The following INTS4 variants were observed in gnomAD, a reference collection of about 807,000 sequenced individuals.
The protein encoded by INTS4 is integrator complex subunit 4, also known as MSTP093.
A neutral mutation model predicts 119.5 loss-of-function variants in INTS4; 70 were observed. That is an observed-to-expected ratio of 0.59 (90% CI 0.48 to 0.71). INTS4 has a LOEUF of 0.71. INTS4 is among the 30% of genes least tolerant of loss of function. INTS4 has a pLI of 0.00. For synonymous variants in INTS4, 316 were observed against 419.6 expected, an observed-to-expected ratio of 0.75 and a Z score of 3.02; for missense variants, 867 against 1,173.2, an observed-to-expected ratio of 0.74 and a Z score of 3.81.
At chr11:77,936,979 A>G (rs1386860009) in intron 10 of INTS4, among the ~76,000 whole-genome samples, 1 of 152,144 alleles carries the variant, frequency 6.6e-6, no homozygotes, top group African/African-American at 2.4e-5. Context: ...GTTTGAGACC[A>G]GCCTCGACAA....
intron 10 of INTS4, among the ~76,000 whole-genome samples, chr11:77,929,079 G>A (rs1953582751): frequency 6.6e-6 from 1 of 151,820 alleles, no homozygotes; most frequent in African/African-American, 2.4e-5. Flanking sequence ...CAGGTGCAGT[G>A]CCATACACCA....
intron 8 of INTS4, among the ~76,000 whole-genome samples, chr11:77,953,595 T>TC (rs970084328): frequency 3.3e-5 from 5 of 151,896 alleles, no homozygotes; most frequent in African/African-American, 1.2e-4. Context: ...CAATTTTTTT[T>TC]TTTTTTGAGA....
downstream of INTS4, among the ~76,000 whole-genome samples, chr11:77,876,744 T>C (rs1951605429): frequency 6.7e-6 from 1 of 149,526 alleles, no homozygotes; most frequent in Non-Finnish European, 1.5e-5. Context: ...TAAGACAGGA[T>C]CAAGTCCTGG....
intron 10 of INTS4, among the ~76,000 whole-genome samples, chr11:77,929,397 GAC>G (rs1291250162): frequency 3.3e-5 from 5 of 152,084 alleles, no homozygotes; most frequent in Non-Finnish European, 7.4e-5. Context: ...GCTTAAATCT[GAC>G]ACCACATATA....
At chr11:77,900,391 A>G (rs557227373) in intron 18 of INTS4, among the ~76,000 whole-genome samples, 202 of 152,096 alleles carry the variant, frequency 1.3e-3, no homozygotes, top group South Asian at 3.7e-3. Context: ...GAGCCACCAC[A>G]CCCGGCCACA....
At chr11:77,965,702 C>T (rs1170390875) in intron 4 of INTS4, among the ~76,000 whole-genome samples, 1 of 152,222 alleles carries the variant, frequency 6.6e-6, no homozygotes, top group African/African-American at 2.4e-5. Flanking sequence ...GCATGTTATA[C>T]ACTACATCTT....
intron 10 of INTS4, among the ~76,000 whole-genome samples, chr11:77,935,045 A>G (rs1953754628): frequency 6.6e-6 from 1 of 152,328 alleles, no homozygotes; most frequent in Non-Finnish European, 1.5e-5. Context: ...ACCCTTGCTG[A>G]TAATGAAGAG....
At chr11:77,973,824 A>G (rs1446660816) in intron 4 of INTS4, among the ~76,000 whole-genome samples, 2 of 152,128 alleles carry the variant, frequency 1.3e-5, no homozygotes, top group East Asian at 3.8e-4. Context: ...TCCTACTTGT[A>G]TGTTGCTGGA....
intron 4 of INTS4, among the ~76,000 whole-genome samples, chr11:77,974,542 A>G (rs1451767079): frequency 2.1e-5 from 3 of 141,728 alleles, no homozygotes; most frequent in Non-Finnish European, 1.6e-5. Flanking sequence ...CACCCAGCCT[A>G]TGATTTTTCA....
chr11:77,884,253 C>T (rs1226920473), intron 21 of INTS4, among the ~76,000 whole-genome samples: 1 of 152,154 alleles, frequency 6.6e-6, no homozygotes, highest in African/African-American at 2.4e-5. Context: ...TCTCAGGCAC[C>T]TTCACCAGAA....
intron 4 of INTS4, among the ~76,000 whole-genome samples, chr11:77,970,898 A>G (rs11237339): frequency 0.73 from 110,887 of 151,878 alleles, 40,821 homozygotes; most frequent in African/African-American, 0.8. Context: ...TGCAACCTCC[A>G]CCTCCCAGGT....
intron 4 of INTS4, among the ~76,000 whole-genome samples, chr11:77,964,585 T>TA (rs1201146869): frequency 2.0e-5 from 3 of 149,826 alleles, no homozygotes; most frequent in African/African-American, 7.4e-5. Flanking sequence ...AAAATAAAAA[T>TA]AAAAATAAAA....
intron 22 of INTS4, among the ~76,000 whole-genome samples, chr11:77,882,710 G>A (rs540723347): frequency 2.9e-4 from 44 of 152,166 alleles, no homozygotes; most frequent in Non-Finnish European, 5.0e-4. Flanking sequence ...AACCCCAAAG[G>A]GGCTGCCCTA....
chr11:77,899,544 C>T (rs1339861905), intron 18 of INTS4, among the ~76,000 whole-genome samples: 6 of 152,000 alleles, frequency 3.9e-5, no homozygotes, highest in Non-Finnish European at 8.8e-5. Context: ...GTGTTGCATG[C>T]CTGTAATCCC....
In INTS4 at chr11:77,970,828, C is replaced by G. The variant is rs142983450; in HGVS notation, c.471+8168G>C. 2.7e-3 allele frequency among the ~76,000 whole-genome samples: 414 copies of G among 152,060 alleles called. 2 individuals are homozygous for G. The highest frequency in any genetic ancestry group is 9.5e-3 in the African/African-American group (393 of 41,502). On this transcript the variant is annotated intron_variant, in intron 4 of 22. Coordinates refer to ENST00000534064, the MANE Select transcript of INTS4 (RefSeq NM_033547.4). Reference sequence around the variant, plus strand: ...TTGTGGGTTTTTTGTTTTTTGTTTTCAGACAAGAGTCTTGCTCTTGTCACC... The same window carrying G: ...TTGTGGGTTTTTTGTTTTTTGTTTTGAGACAAGAGTCTTGCTCTTGTCACC...
intron 16 of INTS4, 98 bp from the exon 17 acceptor site, chr11:77,903,718 T>C: frequency 1.2e-6 from 1 of 814,464 alleles, no homozygotes; most frequent in Non-Finnish European, 2.0e-6. Flanking sequence ...AAGTCTCCCA[T>C]GAACATGACT....
At chr11:77,926,173 G>A (rs1039405799) in intron 11 of INTS4, among the ~76,000 whole-genome samples, 4 of 148,194 alleles carry the variant, frequency 2.7e-5, no homozygotes, top group Non-Finnish European at 5.9e-5. Flanking sequence ...GGCAGGGTAG[G>A]ATCTTGACAT....
chr11:77,895,161 T>C (rs1591021793), intron 18 of INTS4, among the ~76,000 whole-genome samples: 1 of 152,320 alleles, frequency 6.6e-6, no homozygotes, highest in East Asian at 1.9e-4. Context: ...CCAGGCAACA[T>C]GCTAGGTCAG....
chr11:77,887,132 A>T (rs1385497262), intron 21 of INTS4, among the ~76,000 whole-genome samples: 1 of 152,008 alleles, frequency 6.6e-6, no homozygotes, highest in African/African-American at 2.4e-5. Flanking sequence ...GACACAAAAA[A>T]CCCTTCAAAA....
Sources: allele counts gnomAD v4.1 joint callset (sites outside exome capture counted in the v4.1 genomes callset), GRCh38; gene constraint gnomAD v4.1.1; transcripts MANE v1.5; gene names NCBI Gene and HGNC (gene_info 2026-07-23, HGNC 2026-07-21).